The following NODAL variants were observed in gnomAD, a reference collection of about 807,000 sequenced individuals.
NODAL encodes the protein nodal homolog.
NODAL carries 12 observed loss-of-function variants against 34.0 expected under a neutral mutation model. That is an observed-to-expected ratio of 0.35 (90% CI 0.23 to 0.57). NODAL has a LOEUF of 0.57. Among genes scored for constraint, NODAL ranks in the 20% least tolerant of loss-of-function variants. NODAL has a pLI of 0.83. For synonymous variants in NODAL, 162 were observed against 186.4 expected, an observed-to-expected ratio of 0.87 and a Z score of 1.07; for missense variants, 390 against 444.2, an observed-to-expected ratio of 0.88 and a Z score of 1.10.
upstream of NODAL, among the ~76,000 whole-genome samples, chr10:70,442,271 C>T (rs1425567874): frequency 6.6e-6 from 1 of 152,226 alleles, no homozygotes; most frequent in Non-Finnish European, 1.5e-5. Flanking sequence ...GATGACTTCT[C>T]CACCTGAAAA....
upstream of NODAL, among the ~76,000 whole-genome samples, chr10:70,446,231 A>C (rs1229549505): frequency 1.3e-5 from 2 of 152,158 alleles, no homozygotes; most frequent in Non-Finnish European, 2.9e-5. Context: ...CCAGCTGGCA[A>C]GAGGGTGGGG....
At chr10:70,434,523 C>T (rs377138265) in intron 2 of NODAL, among the ~76,000 whole-genome samples, 12 of 152,250 alleles carry the variant, frequency 7.9e-5, no homozygotes, top group East Asian at 5.8e-4. Flanking sequence ...CCACAACACC[C>T]GGCTGATTTT....
chr10:70,436,066 T>G, intron 1 of NODAL, 83 bp from the exon 2 acceptor site: 239 of 1,137,622 alleles, frequency 2.1e-4, no homozygotes, highest in Non-Finnish European at 2.9e-4. Context: ...ACCATAGCTC[T>G]TGCTGGAGGC....
At chr10:70,436,115 A>C in intron 1 of NODAL, 132 bp from the exon 2 acceptor site, 1 of 769,612 alleles carries the variant, frequency 1.3e-6, no homozygotes, top group Non-Finnish European at 2.3e-6. Context: ...TCTCACCCCA[A>C]CTCTATGAGT....
chr10:70,441,751 C>G, upstream of NODAL: 1 of 1,418,438 alleles, frequency 7.1e-7, no homozygotes, highest in African/African-American at 1.4e-5. Flanking sequence ...CCTTTCCTCC[C>G]TCTGGGGAAG....
At position 70,435,507 on chromosome 10, in the gene NODAL, C is replaced by T. The variant is rs1470460821; in HGVS notation, c.670G>A (p.Glu224Lys). ...CCCCACTCCCAGGACAGCTGTCCCT[C>T]CTGGGCCCGCCAGGAGCTCTCGGCT... ...WEAESSWRAQ[E>K]GQLSWEWGKR... The change falls in exon 2 of 3, where the codon GAG becomes AAG. Residue 224 changes from glutamate to lysine, a missense_variant. Coordinates refer to ENST00000287139, the MANE Select transcript of NODAL (RefSeq NM_018055.5). The T allele has an allele frequency of 9.3e-6, 15 of 1,614,002 alleles. No homozygotes were observed. The highest frequency in any genetic ancestry group is 1.2e-5 in the Non-Finnish European group (14 of 1,180,028).
chr10:70,434,318 C>T (rs894826596), intron 2 of NODAL, among the ~76,000 whole-genome samples: 3 of 152,200 alleles, frequency 2.0e-5, no homozygotes, highest in African/African-American at 7.2e-5. Flanking sequence ...ACCTCCTAGA[C>T]CTTAGGCTGA....
At chr10:70,443,571 G>A (rs1845455376), upstream of NODAL, among the ~76,000 whole-genome samples, 1 of 152,098 alleles carries the variant, frequency 6.6e-6, no homozygotes. Flanking sequence ...CAGACGCAGT[G>A]GCTCACGCCT....
chr10:70,436,630 T>A (rs1845359228), intron 1 of NODAL: 1 of 150,578 alleles, frequency 6.6e-6, no homozygotes, highest in Admixed American at 6.6e-5. Flanking sequence ...ATGGAAAAGC[T>A]CAGAGCTCTC....
chr10:70,438,890 C>T (rs1457851063), intron 1 of NODAL, among the ~76,000 whole-genome samples: 1 of 152,194 alleles, frequency 6.6e-6, no homozygotes, highest in Non-Finnish European at 1.5e-5. Flanking sequence ...CATCCAAATA[C>T]AACAAATGTG....
chr10:70,441,372 GAGCCGC>G (rs1845428381), intron 1 of NODAL, 97 bp downstream of exon 1: 2 of 1,353,210 alleles, frequency 1.5e-6, no homozygotes, highest in Non-Finnish European at 2.0e-6. Flanking sequence ...ACCCGGCTCG[GAGCCGC>G]AGCCCCCAAC....
upstream of NODAL, among the ~76,000 whole-genome samples, chr10:70,442,098 A>G (rs1177350251): frequency 6.6e-6 from 1 of 152,006 alleles, no homozygotes; most frequent in Non-Finnish European, 1.5e-5. Context: ...AGAAGCAGGA[A>G]GAGAATGCCG....
At chr10:70,445,359 G>A (rs1344830998), upstream of NODAL, among the ~76,000 whole-genome samples, 18 of 152,236 alleles carry the variant, frequency 1.2e-4, no homozygotes, top group South Asian at 1.0e-3. Context: ...CTGGGTTCAC[G>A]CCATTCTCCT....
Position 70,440,898 on chromosome 10 carries a change from C to A in NODAL, c.193+577G>T, listed in dbSNP as rs1845422901. ...GATGTTACCAGCTCAGCTGCCGATA[C>A]TCCCGACGTCACACCCCGGGACCCA... On this transcript the variant is annotated intron_variant, in intron 1 of 2. Coordinates refer to ENST00000287139, the MANE Select transcript of NODAL (RefSeq NM_018055.5). Among the ~76,000 whole-genome samples, 4 of 152,304 alleles carry A rather than the reference C, an allele frequency of 2.6e-5. No homozygotes were observed. In the South Asian group the frequency reaches 8.3e-4, roughly 32 times the overall value.
At chr10:70,445,135 C>T (rs1340701800), upstream of NODAL, among the ~76,000 whole-genome samples, 1 of 152,086 alleles carries the variant, frequency 6.6e-6, no homozygotes, top group Non-Finnish European at 1.5e-5. Context: ...TGTAGGTGGT[C>T]CCTGTTTAAA....
intron 1 of NODAL, among the ~76,000 whole-genome samples, chr10:70,439,850 G>A (rs1174159516): frequency 6.6e-6 from 1 of 152,244 alleles, no homozygotes; most frequent in Non-Finnish European, 1.5e-5. Flanking sequence ...GCCGAGGCAG[G>A]CGGACCACGA....
intron 1 of NODAL, among the ~76,000 whole-genome samples, chr10:70,436,833 G>A (rs78934060): frequency 0.063 from 9,587 of 152,232 alleles, 412 homozygotes; most frequent in South Asian, 0.15. Flanking sequence ...CATGCACCCA[G>A]AAGCTTCCAG....
At chr10:70,447,257 A>G (rs532358521) in intron 1 of NODAL, among the ~76,000 whole-genome samples, 11 of 152,024 alleles carry the variant, frequency 7.2e-5, no homozygotes, top group Non-Finnish European at 1.2e-4. Flanking sequence ...TATTTTTAGT[A>G]GAGATGGGGT....
At chr10:70,445,786 T>C (rs1845482782), upstream of NODAL, among the ~76,000 whole-genome samples, 1 of 152,108 alleles carries the variant, frequency 6.6e-6, no homozygotes, top group Non-Finnish European at 1.5e-5. Context: ...ACCCGTTGCT[T>C]CCCCATAGAA....
Sources: allele counts gnomAD v4.1 joint callset (sites outside exome capture counted in the v4.1 genomes callset), GRCh38; gene constraint gnomAD v4.1.1; transcripts MANE v1.5; gene names NCBI Gene and HGNC (gene_info 2026-07-23, HGNC 2026-07-21).